SUPT16H: variants seen among roughly 807,000 people sequenced by gnomAD.
The protein encoded by SUPT16H is SPT16 homolog, facilitates chromatin remodeling subunit.
A neutral mutation model predicts 136.2 loss-of-function variants in SUPT16H; 24 were observed. The ratio of observed to expected loss-of-function variants is 0.18; its 90% CI spans 0.13 to 0.25. The LOEUF (loss-of-function observed/expected upper bound fraction) is 0.25. SUPT16H is among the 10% of genes least tolerant of loss of function. The pLI is 1.00. For missense variants in SUPT16H, 623 were observed against 1,270.2 expected (o/e 0.49, Z 7.74); for synonymous variants, 415 against 428.2 (o/e 0.97, Z 0.38).
chr14:21,352,832 G>A lies in SUPT16H; in HGVS notation c.2999-14C>T, dbSNP rs1886347509. 1 of 1,613,804 alleles carries A rather than the reference G, an allele frequency of 6.2e-7. No individual in the cohort carries two copies. The highest frequency in any genetic ancestry group is 1.3e-5 in the African/African-American group (1 of 74,836). Reference sequence around the variant, plus strand: ...TTTCTCGGTCCGCTAAATAGAAGAGGCATTATTAGTTAGCAATAGGTAAGC... The same window carrying A: ...TTTCTCGGTCCGCTAAATAGAAGAGACATTATTAGTTAGCAATAGGTAAGC... On this transcript the variant is annotated splice_polypyrimidine_tract_variant and intron_variant, in intron 25 of 25. Transcript: ENST00000216297.
intron 1 of SUPT16H, among the ~76,000 whole-genome samples, chr14:21,381,832 G>C (rs1485825236): frequency 6.7e-6 from 1 of 150,254 alleles, no homozygotes; most frequent in Non-Finnish European, 1.5e-5. Context: ...TCTTGCCCAG[G>C]CTGGTCTTTA....
intron 10 of SUPT16H, among the ~76,000 whole-genome samples, chr14:21,363,984 C>T (rs921084477): frequency 1.3e-5 from 2 of 152,110 alleles, no homozygotes; most frequent in Admixed American, 6.6e-5. Flanking sequence ...CAGCCAAGAG[C>T]TACAATTTGG....
chr14:21,353,656 G>A (rs760888803), intron 24 of SUPT16H, 47 bp downstream of exon 24: 23 of 1,604,386 alleles, frequency 1.4e-5, no homozygotes, highest in East Asian at 4.5e-5. Context: ...TTTCAGAAAT[G>A]ACATTAGATT....
chr14:21,360,800 A>G (rs780964085), intron 17 of SUPT16H, 46 bp downstream of exon 17: 34 of 1,579,332 alleles, frequency 2.2e-5, no homozygotes, highest in African/African-American at 2.7e-5. Flanking sequence ...TTCCTAACAA[A>G]TGTGCCCTGA....
rs141049084 is a variant in SUPT16H at position 21,379,881 on chromosome 14, A to AAAACAAACAAAC, written c.66+3969_66+3980dup. Among the ~76,000 whole-genome samples the AAAACAAACAAAC allele has an allele frequency of 5.2e-3, 778 of 149,540 alleles. 4 individuals are homozygous for AAAACAAACAAAC. Among genetic ancestry groups the AAAACAAACAAAC allele is most frequent in the African/African-American group, 0.018 (745 of 40,502 alleles). ...GCCTCAGCCACAGAGTGAAACTCAA[A>AAAACAAACAAAC]AAACAAACAAACAAACAAACAAACA... On this transcript the variant is annotated intron_variant, in intron 1 of 25. Coordinates refer to ENST00000216297, the MANE Select transcript of SUPT16H (RefSeq NM_007192.4).
intron 1 of SUPT16H, among the ~76,000 whole-genome samples, chr14:21,376,081 T>G (rs1175964291): frequency 6.6e-6 from 1 of 152,240 alleles, no homozygotes; most frequent in Non-Finnish European, 1.5e-5. Context: ...TCTTTTACAT[T>G]GAATATCTAG....
chr14:21,359,920 C>G (rs1886514420), intron 18 of SUPT16H, among the ~76,000 whole-genome samples: 2 of 152,126 alleles, frequency 1.3e-5, no homozygotes, highest in African/African-American at 4.8e-5. Context: ...TATAACACAC[C>G]AAAGGAACAA....
intron 1 of SUPT16H, among the ~76,000 whole-genome samples, chr14:21,378,132 G>T (rs1886943979): frequency 6.6e-6 from 1 of 151,506 alleles, no homozygotes; most frequent in African/African-American, 2.4e-5. Context: ...CTGAGTGTGA[G>T]AAATTTAGAA....
chr14:21,378,684 T>A (rs1232015631), intron 1 of SUPT16H, among the ~76,000 whole-genome samples: 3 of 152,212 alleles, frequency 2.0e-5, no homozygotes, highest in African/African-American at 7.2e-5. Flanking sequence ...AGATTTACCA[T>A]AAGTTAATAA....
chr14:21,370,651 ACC>A, intron 3 of SUPT16H, among the ~76,000 whole-genome samples, 163 bp from the exon 4 acceptor site: 1 of 152,136 alleles, frequency 6.6e-6, no homozygotes, highest in South Asian at 2.1e-4. Context: ...TTGTTCTACT[ACC>A]CCCAGGGTAG....
At chr14:21,360,172 C>T (rs1355161040) in intron 18 of SUPT16H, among the ~76,000 whole-genome samples, 3 of 152,088 alleles carry the variant, frequency 2.0e-5, no homozygotes, top group African/African-American at 7.2e-5. Flanking sequence ...GGATTACAGG[C>T]GCTGGCCACT....
intron 22 of SUPT16H, 53 bp from the exon 23 acceptor site, chr14:21,354,593 T>A: frequency 6.3e-7 from 1 of 1,594,032 alleles, no homozygotes; most frequent in Non-Finnish European, 8.5e-7. Context: ...TTTCCATATA[T>A]TCTTTCTTCT....
rs1424006445 is a variant in SUPT16H, at chr14:21,361,402, C to T, written c.1794-189G>A. On this transcript the variant is annotated intron_variant, in intron 15 of 25. Transcript: ENST00000216297. ...CCCAATCTTAGCTCACTGCAACCTT[C>T]GCCTCCTGGGTTCAAGCCATCCTCC... The T allele has an allele frequency of 7.6e-6, 5 of 659,326 alleles. 1 individual carries two copies. The highest frequency in any genetic ancestry group is 3.1e-5 in the East Asian group (1 of 32,332). The allele number at this position is 659,326 out of a possible 1,614,324, so 40.8% of individuals were successfully genotyped here. A position where few individuals can be genotyped will look rare whatever the true frequency, so the allele number is the denominator to read the frequency against.
Position 21,363,055 on chromosome 14 carries a change from T to C in SUPT16H, c.1490A>G (p.Lys497Arg). Reference protein sequence around the residue: ...EEAKRRLTEQKGEQQIQKARK... With the variant: ...EEAKRRLTEQRGEQQIQKARK... ...TTACTTCTGAATCTGCTGTTCTCCC[T>C]TTTGTTCAGTCAATCGCCTCTTTGC... The change falls in exon 13 of 26, where the codon AAG becomes AGG. Residue 497 changes from lysine (K) to arginine (R), a missense_variant. Physicochemically the swap from Lys to Arg is conservative, Grantham distance 26 (BLOSUM62 2). Around this residue, in one of 7 missense-constraint regions of SUPT16H, gnomAD observed 30 missense variants for 44.8 expected, o/e 0.67. Coordinates refer to ENST00000216297, the MANE Select transcript of SUPT16H (RefSeq NM_007192.4). 1 of 1,613,946 alleles carries C rather than the reference T, an allele frequency of 6.2e-7. No individual in the cohort carries two copies. Among genetic ancestry groups the C allele is most frequent in the Non-Finnish European group, 8.5e-7 (1 of 1,180,024 alleles).
At position 21,352,079 on chromosome 14, in the gene SUPT16H, T is replaced by C. The variant is rs1886321447; in HGVS notation, c.*594A>G. On this transcript the variant is annotated 3_prime_UTR_variant, in exon 26 of 26. Transcript: ENST00000216297. ...CTTATGTCTTCCAAGGCAGCAGATATACCTCAGAATCTGCACGAGGCAGGA... is the reference window on the plus strand; with the variant it reads ...CTTATGTCTTCCAAGGCAGCAGATACACCTCAGAATCTGCACGAGGCAGGA... The C allele has an allele frequency of 1.3e-5, 2 of 154,188 alleles. No individual in the cohort carries two copies. The highest frequency in any genetic ancestry group is 2.0e-4 in the South Asian group (1 of 5,080). The allele number at this position is 154,188 out of a possible 1,614,324, so 9.6% of individuals were successfully genotyped here. A position where few individuals can be genotyped will look rare whatever the true frequency, so the allele number is the denominator to read the frequency against.
At chr14:21,369,088 T>C (rs1421434759) in intron 6 of SUPT16H, 116 bp downstream of exon 6, 4 of 1,196,618 alleles carry the variant, frequency 3.3e-6, no homozygotes, top group East Asian at 4.9e-5. Flanking sequence ...GGTAACACTA[T>C]ACATTATATA....
chr14:21,357,868 C>T, intron 21 of SUPT16H, 59 bp downstream of exon 21: 1 of 1,462,084 alleles, frequency 6.8e-7, no homozygotes, highest in Admixed American at 1.7e-5. Flanking sequence ...TAAAAAACAC[C>T]TATCCTTCTT....
At chr14:21,383,448 C>G (rs192916225) in intron 1 of SUPT16H, 9 of 538,924 alleles carry the variant, frequency 1.7e-5, no homozygotes, top group African/African-American at 1.4e-4. Flanking sequence ...CTCTCCTTTA[C>G]GAAGACGGTT....
chr14:21,355,403 G>C (rs1218569323), intron 22 of SUPT16H, among the ~76,000 whole-genome samples: 1 of 150,946 alleles, frequency 6.6e-6, no homozygotes, highest in African/African-American at 2.4e-5. Context: ...TGAAGCAGGA[G>C]AATCGCTTGA....
Sources: gnomAD v4.1 joint callset for allele counts (sites outside exome capture counted in the v4.1 genomes callset) on GRCh38, gnomAD v4.1.1 for gene constraint, gnomAD v4.1.1 regional missense constraint, MANE v1.5 for transcripts, NCBI Gene and HGNC (gene_info 2026-07-23, HGNC 2026-07-21) for gene names.